PTPRD: variants seen among roughly 807,000 people sequenced by gnomAD.
The protein encoded by PTPRD is protein tyrosine phosphatase receptor type D.
A neutral mutation model predicts 214.5 loss-of-function variants in PTPRD; 34 were observed. The ratio of observed to expected loss-of-function variants is 0.16; its 90% CI spans 0.12 to 0.21. The LOEUF (loss-of-function observed/expected upper bound fraction) is 0.21. PTPRD is among the 10% of genes least tolerant of loss of function. The pLI is 1.00. For synonymous variants in PTPRD, 1,128 were observed against 845.7 expected (o/e 1.33, Z -5.79); for missense variants, 2,545 against 2,398.7 (o/e 1.06, Z -1.27).
intron 9 of PTPRD, among the ~76,000 whole-genome samples, chr9:9,275,184 TTATATATATATATATTATA>T (rs1367994826): frequency 3.3e-4 from 7 of 21,436 alleles, no homozygotes; most frequent in South Asian, 2.5e-3. Context: ...AATATATATG[TTATATATATATATATTATA>T]TATATATATA....
intron 17 of PTPRD, among the ~76,000 whole-genome samples, chr9:8,526,270 G>GAA (rs201112247): frequency 0.021 from 1,787 of 86,948 alleles, 43 homozygotes; most frequent in African/African-American, 0.071. Flanking sequence ...GGAAAAAGAA[G>GAA]AAAAAAAAAA....
intron 5 of PTPRD, among the ~76,000 whole-genome samples, chr9:9,910,080 C>G (rs1011163094): frequency 6.6e-6 from 1 of 151,918 alleles, no homozygotes; most frequent in African/African-American, 2.4e-5. Flanking sequence ...TTACTACTTT[C>G]TTGACATCTT....
chr9:8,331,710 C>T lies in PTPRD; in HGVS notation c.5406G>A (p.Gln1802=), dbSNP rs2131650323. 1 of 1,612,516 alleles carries T rather than the reference C, an allele frequency of 6.2e-7. No individual in the cohort carries two copies. Among genetic ancestry groups the T allele is most frequent in the Non-Finnish European group, 8.5e-7 (1 of 1,179,242 alleles). Reference sequence around the variant, plus strand: ...GCTCTGGCCAGTCAGTGAACTGGAACTGCCTTACTGTTCGGGACTGGCCGT... The same window carrying T: ...GCTCTGGCCAGTCAGTGAACTGGAATTGCCTTACTGTTCGGGACTGGCCGT... ...ARDGQSRTVR[Q]FQFTDWPEQG... The change falls in exon 44 of 46, where the codon CAG becomes CAA. Residue 1802 remains glutamine, a synonymous_variant. Transcript: ENST00000381196.
chr9:8,453,456 G>A (rs186293130), intron 33 of PTPRD, among the ~76,000 whole-genome samples: 63 of 152,342 alleles, frequency 4.1e-4, no homozygotes, highest in Middle Eastern at 3.4e-3. Context: ...GAGCCACCAT[G>A]CCTGGCCGAT....
chr9:10,384,839 T>C (rs559617102), intron 2 of PTPRD, among the ~76,000 whole-genome samples: 1 of 151,868 alleles, frequency 6.6e-6, no homozygotes, highest in Non-Finnish European at 1.5e-5. Flanking sequence ...AAGGATAATA[T>C]GATTTTTAAC....
intron 9 of PTPRD, among the ~76,000 whole-genome samples, chr9:9,193,136 G>C (rs2099936261): frequency 6.6e-6 from 1 of 152,042 alleles, no homozygotes; most frequent in African/African-American, 2.4e-5. Context: ...AAAAATGAGT[G>C]ACCAGCTTGC....
At chr9:8,891,259 G>A (rs1280297671) in intron 11 of PTPRD, among the ~76,000 whole-genome samples, 2 of 149,894 alleles carry the variant, frequency 1.3e-5, no homozygotes, top group Non-Finnish European at 3.0e-5. Context: ...TCAGCCTCCC[G>A]AGTAGCTGGG....
rs191171022 is a variant in PTPRD, at chr9:10,060,931, T to C, written c.-544-27141A>G. 1.7e-4 allele frequency among the ~76,000 whole-genome samples: 18 copies of C among 103,038 alleles called. No individual in the cohort carries two copies. In the African/African-American group the frequency reaches 2.3e-3, roughly 13 times the overall value. The allele number at this position is 103,038 out of a possible 152,430, so 67.6% of individuals were successfully genotyped here. A position where few individuals can be genotyped will look rare whatever the true frequency, so the allele number is the denominator to read the frequency against. ...TTCTTTCTTTCTTTCTTTCTTTCTT[T>C]CTTTCTTTCTTTCTTTCTTTCTCTC... On this transcript the variant is annotated intron_variant, in intron 3 of 45. Coordinates refer to ENST00000381196, the MANE Select transcript of PTPRD (RefSeq NM_002839.4).
chr9:10,028,169 C>G (rs1406173074), intron 4 of PTPRD, among the ~76,000 whole-genome samples: 1 of 152,158 alleles, frequency 6.6e-6, no homozygotes, highest in African/African-American at 2.4e-5. Context: ...AGTTTCCCTT[C>G]ACAAGCTCTC....
At chr9:9,144,900 G>T (rs1473540641) in intron 10 of PTPRD, among the ~76,000 whole-genome samples, 1 of 152,146 alleles carries the variant, frequency 6.6e-6, no homozygotes, top group Non-Finnish European at 1.5e-5. Flanking sequence ...CATCTTTAAA[G>T]TATTTATATC....
chr9:10,045,364 T>C (rs1165510207), intron 3 of PTPRD, among the ~76,000 whole-genome samples: 9 of 151,736 alleles, frequency 5.9e-5, no homozygotes, highest in Admixed American at 5.3e-4. Flanking sequence ...ATTGAAAGTC[T>C]TGGGACAAGC....
chr9:9,645,017 T>TCC (rs2096104181), intron 7 of PTPRD, among the ~76,000 whole-genome samples: 1 of 152,204 alleles, frequency 6.6e-6, no homozygotes, highest in Non-Finnish European at 1.5e-5. Context: ...ACCTTGACTC[T>TCC]CCATTGAGAT....
intron 2 of PTPRD, among the ~76,000 whole-genome samples, chr9:10,407,759 G>C (rs548899901): frequency 6.6e-6 from 1 of 151,654 alleles, no homozygotes; most frequent in African/African-American, 2.4e-5. Context: ...ATGGTAACCT[G>C]CTAGATTACC....
intron 11 of PTPRD, among the ~76,000 whole-genome samples, chr9:8,757,131 G>C (rs189034548): frequency 3.9e-5 from 6 of 152,206 alleles, no homozygotes; most frequent in South Asian, 2.1e-4. Context: ...AACAGAGTGA[G>C]ACTCCATCTC....
At chr9:9,915,646 A>G (rs900431681) in intron 5 of PTPRD, among the ~76,000 whole-genome samples, 2 of 151,908 alleles carry the variant, frequency 1.3e-5, no homozygotes, top group Non-Finnish European at 2.9e-5. Context: ...GAAGAAACAA[A>G]TTTCTGACCT....
At chr9:9,313,667 T>G (rs1301794023) in intron 9 of PTPRD, among the ~76,000 whole-genome samples, 1 of 152,158 alleles carries the variant, frequency 6.6e-6, no homozygotes. Context: ...AGTGTTTTGC[T>G]GTTGGAAGGT....
intron 11 of PTPRD, among the ~76,000 whole-genome samples, chr9:8,847,412 C>G (rs913494108): frequency 6.6e-6 from 1 of 151,990 alleles, no homozygotes; most frequent in Non-Finnish European, 1.5e-5. Flanking sequence ...CTTCATGCTT[C>G]TAGGAAGTTA....
intron 9 of PTPRD, among the ~76,000 whole-genome samples, chr9:9,352,905 A>G (rs1285840448): frequency 6.6e-6 from 1 of 152,002 alleles, no homozygotes; most frequent in Admixed American, 6.6e-5. Context: ...CAGTGTTTTT[A>G]TAGAAAACGC....
intron 2 of PTPRD, among the ~76,000 whole-genome samples, chr9:10,447,867 A>G (rs1257472400): frequency 6.6e-6 from 1 of 151,934 alleles, no homozygotes; most frequent in East Asian, 1.9e-4. Context: ...GAATTAGGAT[A>G]CTCAGAATTC....
Sources: gnomAD v4.1 joint callset for allele counts (sites outside exome capture counted in the v4.1 genomes callset) on GRCh38, gnomAD v4.1.1 for gene constraint, MANE v1.5 for transcripts, NCBI Gene and HGNC (gene_info 2026-07-23, HGNC 2026-07-21) for gene names.